Variants in ADORA2A observed in about 807,000 individuals in gnomAD.
The protein encoded by ADORA2A is adenosine A2a receptor.
ADORA2A carries 11 observed loss-of-function variants against 18.4 expected under a neutral mutation model. The ratio of observed to expected loss-of-function variants is 0.60; its 90% CI spans 0.38 to 0.99. ADORA2A has a LOEUF of 0.99. Ranked by LOEUF, ADORA2A falls within the 50% of genes least tolerant of loss-of-function variation. The pLI is 0.01. For missense variants in ADORA2A, 449 were observed against 556.1 expected (o/e 0.81, Z 1.94); for synonymous variants, 218 against 237.3 (o/e 0.92, Z 0.75).
upstream of ADORA2A, chr22:24,423,996 G>T (rs1205881019): frequency 6.6e-6 from 1 of 152,462 alleles, no homozygotes. Context: ...GGGGTCCTGG[G>T]TGCCGGGTCC....
At position 24,433,668 on chromosome 22, in the gene ADORA2A, G is replaced by A. The variant is rs200166701; in HGVS notation, c.264G>A (p.Thr88=). Residue 88 remains threonine (T), a synonymous_variant, in exon 2 of 3, where the codon ACG becomes ACA. Transcript: ENST00000337539. Reference sequence around the variant, plus strand: ...TTGCCTGCTTCGTCCTGGTCCTCACGCAGAGCTCCATCTTCAGTCTCCTGG... The same window carrying A: ...TTGCCTGCTTCGTCCTGGTCCTCACACAGAGCTCCATCTTCAGTCTCCTGG... ...LFIACFVLVL[T]QSSIFSLLAI... 8.6e-5 allele frequency: 138 copies of A among 1,612,612 alleles called. No individual in the cohort carries two copies. The highest frequency in any genetic ancestry group is 2.4e-4 in the African/African-American group (18 of 75,064).
chr22:24,431,623 T>G, intron 1 of ADORA2A: 2 of 398,484 alleles, frequency 5.0e-6, no homozygotes, highest in South Asian at 3.6e-5. Flanking sequence ...GCCTCTGACC[T>G]CTTGTCCCCA....
upstream of ADORA2A, among the ~76,000 whole-genome samples, chr22:24,427,167 A>C (rs530395380): frequency 5.9e-5 from 9 of 152,212 alleles, no homozygotes; most frequent in East Asian, 1.7e-3. Context: ...GTGTCACAGG[A>C]GGACTCGCCT....
intron 2 of ADORA2A, among the ~76,000 whole-genome samples, chr22:24,435,286 G>A (rs2043146103): frequency 6.6e-6 from 1 of 152,194 alleles, no homozygotes; most frequent in Admixed American, 6.5e-5. Flanking sequence ...CTCAGAACAC[G>A]GAGGCCCAGG....
At chr22:24,430,616 C>T (rs1034749326) in intron 1 of ADORA2A, among the ~76,000 whole-genome samples, 1 of 152,192 alleles carries the variant, frequency 6.6e-6, no homozygotes, top group Non-Finnish European at 1.5e-5. Context: ...AGGCAGGCGC[C>T]GATGATTTGA....
At chr22:24,434,756 A>G (rs753837670) in intron 2 of ADORA2A, among the ~76,000 whole-genome samples, 69 of 152,216 alleles carry the variant, frequency 4.5e-4, no homozygotes, top group Admixed American at 3.3e-3. Flanking sequence ...CCCCAGCAGG[A>G]AGGAGGACCC....
At chr22:24,424,827 A>G (rs553839399), upstream of ADORA2A, among the ~76,000 whole-genome samples, 1 of 151,722 alleles carries the variant, frequency 6.6e-6, no homozygotes, top group East Asian at 2.0e-4. The surrounding 1 kb of genome is among the most constrained non-coding windows in gnomAD (Gnocchi z 4.9). Flanking sequence ...GGGCTTGAGG[A>G]GGAGGCCGCG....
chr22:24,428,436 T>G (rs144968231), intron 1 of ADORA2A, among the ~76,000 whole-genome samples: 84 of 152,348 alleles, frequency 5.5e-4, no homozygotes, highest in Non-Finnish European at 1.1e-3. Context: ...ACCACATCCC[T>G]TACTTCAGTC....
At chr22:24,429,126 TGGGGG>T (rs1568942963) in intron 1 of ADORA2A, 1 of 152,314 alleles carries the variant, frequency 6.6e-6, no homozygotes, top group East Asian at 1.9e-4. Context: ...CAGCAGGCTC[TGGGGG>T]GTATAGCCAC....
chr22:24,435,577 A>G (rs1568948658), intron 2 of ADORA2A, among the ~76,000 whole-genome samples: 1 of 152,122 alleles, frequency 6.6e-6, no homozygotes, highest in Non-Finnish European at 1.5e-5. Context: ...CTGTGTGGCT[A>G]TGGAAAGTTA....
intron 2 of ADORA2A, chr22:24,439,484 T>G (rs2043277404): frequency 6.6e-6 from 1 of 152,230 alleles, no homozygotes; most frequent in Non-Finnish European, 1.5e-5. Flanking sequence ...GAAACTTCTT[T>G]GAGATCTCTA....
intron 2 of ADORA2A, among the ~76,000 whole-genome samples, chr22:24,439,072 CTTTT>C (rs3032740): frequency 9.6e-5 from 7 of 73,100 alleles, no homozygotes; most frequent in Admixed American, 2.0e-4. Flanking sequence ...CCCCTTGCAC[CTTTT>C]TTTTTTTTTT....
upstream of ADORA2A, among the ~76,000 whole-genome samples, chr22:24,425,337 ACCCCCCC>A (rs398036656): frequency 1.2e-5 from 1 of 82,318 alleles, no homozygotes; most frequent in Non-Finnish European, 2.3e-5. Context: ...TGTGGGCAGC[ACCCCCCC>A]CCCCCCCGCC....
At chr22:24,434,795 C>T (rs371590598) in intron 2 of ADORA2A, among the ~76,000 whole-genome samples, 8 of 152,322 alleles carry the variant, frequency 5.3e-5, no homozygotes, top group East Asian at 3.9e-4. Flanking sequence ...AAATTTAGAG[C>T]GTCAAAGCCA....
upstream of ADORA2A, among the ~76,000 whole-genome samples, chr22:24,425,960 G>A (rs1057178044): frequency 2.6e-5 from 4 of 152,250 alleles, no homozygotes; most frequent in African/African-American, 7.2e-5. Flanking sequence ...CCGGTGAGGG[G>A]TGTGTGCTGG....
intron 1 of ADORA2A, chr22:24,432,852 G>A (rs1025176693): frequency 6.4e-6 from 1 of 157,240 alleles, no homozygotes; most frequent in Non-Finnish European, 1.4e-5. Context: ...TGGACCAGGG[G>A]AACCAGCCTT....
chr22:24,427,270 C>CT (rs1006356829), upstream of ADORA2A, among the ~76,000 whole-genome samples: 22 of 152,146 alleles, frequency 1.4e-4, no homozygotes, highest in African/African-American at 5.1e-4. Flanking sequence ...CTTGGTCACC[C>CT]TGCCCTCCTG....
chr22:24,426,903 G>C (rs772939428), upstream of ADORA2A, among the ~76,000 whole-genome samples: 1 of 152,192 alleles, frequency 6.6e-6, no homozygotes, highest in Non-Finnish European at 1.5e-5. Flanking sequence ...TTGCCATGGG[G>C]ATTCTCTCAC....
intron 1 of ADORA2A, 137 bp from the exon 2 acceptor site, chr22:24,432,994 G>C (rs779490791): frequency 8.2e-5 from 20 of 243,570 alleles, no homozygotes; most frequent in Non-Finnish European, 1.4e-4. Flanking sequence ...TCCTCAGGCT[G>C]ACACCTGGCC....
Sources: allele counts gnomAD v4.1 joint callset (sites outside exome capture counted in the v4.1 genomes callset), GRCh38; gene constraint gnomAD v4.1.1; non-coding constraint Gnocchi (gnomAD v3.1); transcripts MANE v1.5; gene names NCBI Gene and HGNC (gene_info 2026-07-23, HGNC 2026-07-21).